Variants in DENND4A observed in about 807,000 individuals in gnomAD.
DENND4A encodes C-myc promoter-binding protein.
In DENND4A, 70 loss-of-function variants were observed where a neutral mutation model predicts 199.3. The observed-to-expected ratio is 0.35, with a 90% CI of 0.29 to 0.43. The LOEUF (loss-of-function observed/expected upper bound fraction) is 0.43. Ranked by LOEUF, DENND4A falls within the 20% of genes least tolerant of loss-of-function variation. The pLI is 1.00. For synonymous variants in DENND4A, 686 were observed against 766.9 expected (o/e 0.89, Z 1.74); for missense variants, 1,723 against 2,255.8 (o/e 0.76, Z 4.78).
chr15:65,664,482 G>A (rs1304083327), intron 31 of DENND4A, 78 bp downstream of exon 31: 1 of 1,529,322 alleles, frequency 6.5e-7, no homozygotes, highest in African/African-American at 1.4e-5. Flanking sequence ...ATAAGCATGA[G>A]ATATTCTAAC....
At position 65,660,322 on chromosome 15, in the gene DENND4A, T is replaced by A; in HGVS notation, c.*1529A>T. On this transcript the variant is annotated 3_prime_UTR_variant, in exon 33 of 33. Transcript: ENST00000443035. ...GTTTCAGCATGGTGCTATTCACTAA[T>A]GGTGTGAACTCAAAAGGTGGGTTTT... The A allele has an allele frequency of 1.2e-5, 19 of 1,534,218 alleles. No homozygotes were observed. Among genetic ancestry groups the A allele is most frequent in the Non-Finnish European group, 1.6e-5 (18 of 1,145,728 alleles).
chr15:65,778,810 C>T (rs1472679972), intron 1 of DENND4A, among the ~76,000 whole-genome samples: 1 of 150,226 alleles, frequency 6.7e-6, no homozygotes, highest in African/African-American at 2.5e-5. Context: ...AGGAGAATCG[C>T]TTGAACCCAG....
intron 1 of DENND4A, among the ~76,000 whole-genome samples, chr15:65,766,126 C>A (rs2076978368): frequency 6.6e-6 from 1 of 151,880 alleles, no homozygotes; most frequent in Non-Finnish European, 1.5e-5. Context: ...TGGTGCACGC[C>A]TGTAGTCCCA....
intron 22 of DENND4A, among the ~76,000 whole-genome samples, chr15:65,693,171 A>T (rs1184251605): frequency 2.6e-5 from 4 of 152,326 alleles, no homozygotes; most frequent in East Asian, 3.9e-4. Flanking sequence ...AAACTATTTA[A>T]CTTCCTTGGG....
chr15:65,749,034 A>C (rs1205839667), intron 4 of DENND4A, among the ~76,000 whole-genome samples: 1 of 151,936 alleles, frequency 6.6e-6, no homozygotes, highest in African/African-American at 2.4e-5. Flanking sequence ...TTGTTTCTTC[A>C]GAGTAGCTGC....
In DENND4A at chr15:65,682,328, A is replaced by G. The variant is rs529447515; in HGVS notation, c.4180-5694T>C. ...TCGGGGATAATTAGCTACATCTTCTATATTAGCACTTGCTGCTTCATCCTG... is the reference window on the plus strand; with the variant it reads ...TCGGGGATAATTAGCTACATCTTCTGTATTAGCACTTGCTGCTTCATCCTG... On this transcript the variant is annotated intron_variant, in intron 23 of 32. Coordinates refer to ENST00000443035, the MANE Select transcript of DENND4A (RefSeq NM_001320835.1). Among the ~76,000 whole-genome samples the G allele has an allele frequency of 2.0e-4, 31 of 152,186 alleles. No homozygotes were observed. The East Asian group carries it at 4.0e-3, about 20-fold the overall frequency.
intron 22 of DENND4A, among the ~76,000 whole-genome samples, chr15:65,693,719 C>G (rs1259120419): frequency 1.3e-5 from 2 of 151,822 alleles, no homozygotes; most frequent in Non-Finnish European, 1.5e-5. Flanking sequence ...ACCCCAAACC[C>G]AAGACATATC....
intron 22 of DENND4A, among the ~76,000 whole-genome samples, chr15:65,693,878 A>G (rs1377143862): frequency 1.3e-5 from 2 of 151,958 alleles, no homozygotes; most frequent in African/African-American, 4.8e-5. Context: ...GTTTCTTATT[A>G]TAATATACCC....
chr15:65,784,502 T>C (rs2140990750), intron 1 of DENND4A, among the ~76,000 whole-genome samples: 1 of 151,818 alleles, frequency 6.6e-6, no homozygotes, highest in Non-Finnish European at 1.5e-5. Context: ...ATACCTTAAC[T>C]CCCTGTAACT....
chr15:65,694,639 G>A (rs746414337), intron 22 of DENND4A, among the ~76,000 whole-genome samples: 8 of 151,972 alleles, frequency 5.3e-5, no homozygotes, highest in South Asian at 2.1e-4. Context: ...AAATAAACCC[G>A]AAAAATGCTT....
intron 23 of DENND4A, among the ~76,000 whole-genome samples, chr15:65,681,571 A>ATTTTTTT (rs1319956178): frequency 1.4e-5 from 2 of 142,348 alleles, no homozygotes; most frequent in Non-Finnish European, 1.5e-5. Flanking sequence ...TTGACATTTC[A>ATTTTTTT]TTTTTTTGTT....
intron 11 of DENND4A, among the ~76,000 whole-genome samples, chr15:65,723,982 G>A (rs990937571): frequency 6.6e-6 from 1 of 151,974 alleles, no homozygotes; most frequent in Non-Finnish European, 1.5e-5. Context: ...CCATACATGG[G>A]GTAGGAGTAG....
chr15:65,734,858 A>G lies in DENND4A; in HGVS notation c.1041-2040T>C, dbSNP rs150991410. 5.9e-5 allele frequency among the ~76,000 whole-genome samples: 9 copies of G among 152,210 alleles called. No individual in the cohort carries two copies. In the East Asian group the frequency reaches 1.5e-3, roughly 26 times the overall value. ...GCACTTTGGGAGGCTGAGGCGAGTG[A>G]ATTGATTGAGCCTAGGAGTTCAAGA... On this transcript the variant is annotated intron_variant, in intron 7 of 32. Transcript: ENST00000443035.
chr15:65,698,799 G>A lies in DENND4A; in HGVS notation c.2834-1416C>T, dbSNP rs145749103. On this transcript the variant is annotated intron_variant, in intron 20 of 32. Transcript: ENST00000443035. ...GTTGCCCAGGCTGGAGTGCAGTGGC[G>A]TGATCTTGGCTCACTGCAACCTCCA... Among the ~76,000 whole-genome samples the A allele has an allele frequency of 2.1e-3, 288 of 138,688 alleles. 1 individual carries two copies. The highest frequency in any genetic ancestry group is 7.6e-3 in the African/African-American group (276 of 36,180). 91.0% of individuals were successfully genotyped at this position (138,688 alleles called of 152,430 possible). A position where few individuals can be genotyped will look rare whatever the true frequency, so the allele number is the denominator to read the frequency against.
chr15:65,672,906 G>A (rs2076260229), intron 24 of DENND4A, among the ~76,000 whole-genome samples: 1 of 151,464 alleles, frequency 6.6e-6, no homozygotes, highest in Admixed American at 6.6e-5. Flanking sequence ...CTGTTGCCAG[G>A]CTGGAGTGCA....
At chr15:65,720,427 T>G (rs979809184) in intron 12 of DENND4A, among the ~76,000 whole-genome samples, 1 of 151,802 alleles carries the variant, frequency 6.6e-6, no homozygotes, top group African/African-American at 2.4e-5. Flanking sequence ...TTTTTTTTTT[T>G]TTGAGATGGA....
intron 1 of DENND4A, among the ~76,000 whole-genome samples, chr15:65,789,452 C>T (rs1396370290): frequency 2.6e-5 from 4 of 151,562 alleles, no homozygotes; most frequent in South Asian, 2.1e-4. Flanking sequence ...ACTCCCTCCA[C>T]GCCCAGCATC....
At position 65,764,879 on chromosome 15, in the gene DENND4A, G is replaced by A. The variant is rs545242150; in HGVS notation, c.-101-3441C>T. On this transcript the variant is annotated intron_variant, in intron 1 of 32. Transcript: ENST00000443035. The stretch of plus-strand genomic sequence containing the variant: ...CCCAGCTACTTGGAAGGCTAAGGTC[G>A]GAGGATTGCTTGAGCCCAGGAGGTT... Among the ~76,000 whole-genome samples, 108 of 151,140 alleles carry A rather than the reference G, an allele frequency of 7.1e-4. 1 individual carries two copies. The highest frequency in any genetic ancestry group is 2.6e-3 in the African/African-American group (105 of 41,090).
intron 14 of DENND4A, among the ~76,000 whole-genome samples, chr15:65,709,996 A>G (rs912296687): frequency 6.6e-6 from 1 of 151,932 alleles, no homozygotes; most frequent in African/African-American, 2.4e-5. Context: ...CTTTTTCGAG[A>G]CTTCTCAGAA....
Sources: allele counts gnomAD v4.1 joint callset (sites outside exome capture counted in the v4.1 genomes callset), GRCh38; gene constraint gnomAD v4.1.1; transcripts MANE v1.5; gene names NCBI Gene and HGNC (gene_info 2026-07-23, HGNC 2026-07-21).